DLG2: variants seen among roughly 807,000 people sequenced by gnomAD.
DLG2 encodes discs large MAGUK scaffold protein 2, also known as disks large homolog 2.
DLG2 carries 45 observed loss-of-function variants against 132.5 expected under a neutral mutation model. The observed-to-expected ratio is 0.34, with a 90% CI of 0.27 to 0.44. DLG2 has a LOEUF of 0.44. DLG2 is among the 20% of genes least tolerant of loss of function. DLG2 has a pLI of 1.00. For synonymous variants in DLG2, 424 were observed against 419.6 expected (o/e 1.01, Z -0.13); for missense variants, 1,045 against 1,196.9 (o/e 0.87, Z 1.87).
intron 11 of DLG2, among the ~76,000 whole-genome samples, chr11:84,032,632 T>C (rs2095735333): frequency 6.6e-6 from 1 of 152,194 alleles, no homozygotes; most frequent in African/African-American, 2.4e-5. Context: ...CCTAAGATCA[T>C]TGATGAAGGC....
chr11:84,278,219 C>A (rs558417373), intron 7 of DLG2, among the ~76,000 whole-genome samples: 40 of 151,884 alleles, frequency 2.6e-4, no homozygotes, highest in East Asian at 5.8e-4. Context: ...TTTTTCCCCC[C>A]AAAAATTAAT....
In DLG2 at chr11:84,085,465, C is replaced by G. The variant is rs540924253; in HGVS notation, c.749+13458G>C. ...ATGAGCAGTGGATCTTCTCAGAGCT[C>G]TGAGTTTAACTGAAACAAAGCATTG... On this transcript the variant is annotated intron_variant, in intron 10 of 27. Coordinates refer to ENST00000376104, the MANE Select transcript of DLG2 (RefSeq NM_001142699.3). Among the ~76,000 whole-genome samples the G allele has an allele frequency of 5.3e-5, 8 of 152,250 alleles. No homozygotes were observed. The East Asian group carries it at 1.2e-3, about 22-fold the overall frequency.
At chr11:84,280,108 T>C (rs904786145) in intron 7 of DLG2, among the ~76,000 whole-genome samples, 2 of 152,164 alleles carry the variant, frequency 1.3e-5, no homozygotes, top group African/African-American at 4.8e-5. Flanking sequence ...GACATAATTA[T>C]CTGTGGAAAA....
chr11:84,974,565 A>G (rs1193215247), intron 6 of DLG2, among the ~76,000 whole-genome samples: 1 of 152,212 alleles, frequency 6.6e-6, no homozygotes, highest in East Asian at 1.9e-4. Context: ...AAGGGAATAA[A>G]TGGAAGAGAA....
intron 3 of DLG2, among the ~76,000 whole-genome samples, chr11:85,361,349 T>G (rs2084140863): frequency 6.6e-6 from 1 of 151,862 alleles, no homozygotes; most frequent in African/African-American, 2.4e-5. Flanking sequence ...GGGGTACAAG[T>G]GCAGATTTCT....
chr11:85,251,664 T>C (rs1044600304), intron 4 of DLG2, among the ~76,000 whole-genome samples: 1 of 152,178 alleles, frequency 6.6e-6, no homozygotes, highest in East Asian at 1.9e-4. Context: ...TAATTATCCT[T>C]CTGTTCTCTC....
chr11:83,757,713 G>T (rs2093708985), intron 18 of DLG2, among the ~76,000 whole-genome samples: 1 of 152,148 alleles, frequency 6.6e-6, no homozygotes, highest in Non-Finnish European at 1.5e-5. Context: ...GGGCTTCTTA[G>T]AAAGCTTCTC....
chr11:84,178,743 G>T (rs555587865), intron 8 of DLG2, among the ~76,000 whole-genome samples: 2 of 143,722 alleles, frequency 1.4e-5, no homozygotes, highest in Non-Finnish European at 3.1e-5. Context: ...CAACAAAAAA[G>T]AAAAAAAAAA....
intron 3 of DLG2, among the ~76,000 whole-genome samples, chr11:85,526,858 C>T (rs937674674): frequency 7.2e-5 from 11 of 152,200 alleles, no homozygotes; most frequent in African/African-American, 2.2e-4. Flanking sequence ...AACATAAATA[C>T]TAAAGGTCAA....
chr11:83,494,004 C>T (rs899398891), intron 21 of DLG2, among the ~76,000 whole-genome samples: 2 of 152,054 alleles, frequency 1.3e-5, no homozygotes, highest in African/African-American at 4.8e-5. Flanking sequence ...TCTGTGTACT[C>T]AAACCCCATG....
chr11:83,545,298 A>G (rs2096208830), intron 19 of DLG2, among the ~76,000 whole-genome samples: 1 of 152,174 alleles, frequency 6.6e-6, no homozygotes, highest in African/African-American at 2.4e-5. Flanking sequence ...TAAATGAAAT[A>G]ATATATGTAA....
At chr11:84,870,203 T>A (rs1419101955) in intron 6 of DLG2, among the ~76,000 whole-genome samples, 2 of 152,158 alleles carry the variant, frequency 1.3e-5, no homozygotes, top group Non-Finnish European at 2.9e-5. Flanking sequence ...ATAATATGAG[T>A]GAATTACATC....
At chr11:85,530,863 T>C (rs1439394839) in intron 3 of DLG2, among the ~76,000 whole-genome samples, 2 of 152,222 alleles carry the variant, frequency 1.3e-5, no homozygotes, top group Non-Finnish European at 2.9e-5. Context: ...TCCCTCTGTA[T>C]ATTACATAGC....
intron 21 of DLG2, among the ~76,000 whole-genome samples, chr11:83,528,409 C>T (rs1007745715): frequency 6.6e-6 from 1 of 152,166 alleles, no homozygotes; most frequent in Non-Finnish European, 1.5e-5. Flanking sequence ...CAATTCCCAC[C>T]ATGACCTTTG....
chr11:84,214,644 A>C (rs1032659943), intron 8 of DLG2, among the ~76,000 whole-genome samples: 5 of 152,164 alleles, frequency 3.3e-5, no homozygotes, highest in African/African-American at 9.7e-5. Flanking sequence ...GTCAAATGAA[A>C]TCTCAGGTTG....
In DLG2 at chr11:84,026,372, GTAGT is replaced by G. The variant is rs1192103940; in HGVS notation, c.919+32939_919+32942del. The stretch of plus-strand genomic sequence containing the variant: ...CATACTAGACTCCTTTAGGGGAAAG[GTAGT>G]TAGTATAATACAATACTGTGGCCTT... On this transcript the variant is annotated intron_variant, in intron 11 of 27. Coordinates refer to ENST00000376104, the MANE Select transcript of DLG2 (RefSeq NM_001142699.3). Among the ~76,000 whole-genome samples the G allele has an allele frequency of 2.0e-5, 3 of 152,158 alleles. No individual in the cohort carries two copies. In the East Asian group the frequency reaches 5.8e-4, roughly 29 times the overall value.
intron 7 of DLG2, among the ~76,000 whole-genome samples, chr11:84,392,540 G>A (rs1047274177): frequency 6.6e-6 from 1 of 152,176 alleles, no homozygotes; most frequent in African/African-American, 2.4e-5. Flanking sequence ...GATTTTCACT[G>A]AGGTCAAATC....
In DLG2 at chr11:85,465,151, T is replaced by A. The variant is rs182801109; in HGVS notation, c.40+133506A>T. On this transcript the variant is annotated intron_variant, in intron 3 of 27. Transcript: ENST00000376104. ...AGATGGAGTCAACAATATAAGATTT[T>A]TTTTTTTTTGAAACAGGGTCTTTCT... Among the ~76,000 whole-genome samples the A allele has an allele frequency of 7.7e-4, 111 of 144,844 alleles. 3 individuals are homozygous for A. The East Asian group carries it at 0.013, about 17-fold the overall frequency.
At chr11:83,700,280 C>G (rs569228141) in intron 18 of DLG2, among the ~76,000 whole-genome samples, 1 of 152,002 alleles carries the variant, frequency 6.6e-6, no homozygotes, top group Non-Finnish European at 1.5e-5. Flanking sequence ...TGGGAAGGAG[C>G]CCTTCCTTGG....
Sources: allele counts gnomAD v4.1 joint callset (sites outside exome capture counted in the v4.1 genomes callset), GRCh38; gene constraint gnomAD v4.1.1; transcripts MANE v1.5; gene names NCBI Gene and HGNC (gene_info 2026-07-23, HGNC 2026-07-21).